The following PKHD1 variants were observed in gnomAD, a reference collection of about 807,000 sequenced individuals.
The protein encoded by PKHD1 is PKHD1 ciliary IPT domain containing fibrocystin/polyductin.
Under a neutral mutation model 412.0 loss-of-function variants are expected in PKHD1, and 291 were observed. That is an observed-to-expected ratio of 0.71 (90% CI 0.64 to 0.78). PKHD1 has a LOEUF of 0.78. Ranked by LOEUF, PKHD1 falls within the 30% of genes least tolerant of loss-of-function variation. PKHD1 has a pLI of 0.00. For synonymous variants in PKHD1, 1,777 were observed against 1,821.5 expected, an observed-to-expected ratio of 0.98 and a Z score of 0.62; for missense variants, 4,825 against 4,950.7, an observed-to-expected ratio of 0.97 and a Z score of 0.76.
chr6:51,887,690 C>T (rs1211087708), intron 43 of PKHD1, among the ~76,000 whole-genome samples: 2 of 152,126 alleles, frequency 1.3e-5, no homozygotes, highest in African/African-American at 2.4e-5. Context: ...TGCCTTCTGC[C>T]GTGAGTAAAG....
rs66966800 is a variant in PKHD1, at chr6:51,903,832, CATATAT to C, written c.6866-111_6866-106del. The C allele has an allele frequency of 0.22, 96,012 of 434,946 alleles. 11,330 individuals carry two copies. Among genetic ancestry groups the C allele is most frequent in the East Asian group, 0.43 (9,441 of 21,740 alleles). The allele number at this position is 434,946 out of a possible 1,614,324, so 26.9% of individuals were successfully genotyped here. ...ACATCAGAGTTCACATAATGCATTT[CATATAT>C]ATATATATATATATATATATATTTA... On this transcript the variant is annotated intron_variant, in intron 42 of 66. Coordinates refer to ENST00000371117, the MANE Select transcript of PKHD1 (RefSeq NM_138694.4).
intron 60 of PKHD1, among the ~76,000 whole-genome samples, chr6:51,728,029 C>G (rs1782788587): frequency 6.6e-6 from 1 of 152,174 alleles, no homozygotes; most frequent in African/African-American, 2.4e-5. Flanking sequence ...TTTTCCTTCT[C>G]CATACAATAC....
chr6:51,630,248 G>C (rs1171072142), intron 65 of PKHD1, among the ~76,000 whole-genome samples: 1 of 152,090 alleles, frequency 6.6e-6, no homozygotes, highest in African/African-American at 2.4e-5. Flanking sequence ...ATCTGTAAAG[G>C]CTATTAAAAT....
chr6:51,897,876 AAAACAGACTTT>A (rs1179780301), intron 43 of PKHD1, among the ~76,000 whole-genome samples: 1 of 151,630 alleles, frequency 6.6e-6, no homozygotes, highest in African/African-American at 2.4e-5. Flanking sequence ...AGTCTCTGAT[AAAACAGACTTT>A]AAACCAACAA....
intron 55 of PKHD1, among the ~76,000 whole-genome samples, chr6:51,770,252 C>T (rs1243750146): frequency 6.6e-6 from 1 of 151,746 alleles, no homozygotes; most frequent in Non-Finnish European, 1.5e-5. Flanking sequence ...GTATTATCTG[C>T]TGTAAAACTT....
intron 24 of PKHD1, 123 bp downstream of exon 24, chr6:52,045,881 C>T: frequency 1.3e-6 from 1 of 744,488 alleles, no homozygotes. Flanking sequence ...AATCCCTTTA[C>T]TCAAATATTC....
At chr6:51,729,861 A>G (rs1415219411) in intron 60 of PKHD1, among the ~76,000 whole-genome samples, 2 of 152,164 alleles carry the variant, frequency 1.3e-5, no homozygotes, top group African/African-American at 4.8e-5. Context: ...ACATAATATT[A>G]ATATCTCCAA....
intron 50 of PKHD1, among the ~76,000 whole-genome samples, chr6:51,843,696 C>T (rs1181181057): frequency 6.6e-6 from 1 of 152,158 alleles, no homozygotes; most frequent in Non-Finnish European, 1.5e-5. Flanking sequence ...AATAGTTCAT[C>T]GTATTCATAA....
At chr6:51,827,187 T>A (rs146260265) in intron 52 of PKHD1, among the ~76,000 whole-genome samples, 196 of 152,252 alleles carry the variant, frequency 1.3e-3, no homozygotes, top group African/African-American at 4.4e-3. Context: ...CCAAGGATGT[T>A]GTGAAAATTA....
intron 64 of PKHD1, among the ~76,000 whole-genome samples, chr6:51,637,997 G>A (rs1017172482): frequency 2.0e-5 from 3 of 152,148 alleles, no homozygotes; most frequent in South Asian, 2.1e-4. Context: ...TTTTCAAAAG[G>A]CCCGTTGAAA....
At chr6:51,891,240 G>T (rs1042025053) in intron 43 of PKHD1, among the ~76,000 whole-genome samples, 24 of 152,244 alleles carry the variant, frequency 1.6e-4, no homozygotes, top group African/African-American at 5.3e-4. Context: ...CCAAATGAAA[G>T]GAAAACTTCA....
At chr6:51,676,870 A>T (rs1775933430) in intron 60 of PKHD1, among the ~76,000 whole-genome samples, 1 of 152,176 alleles carries the variant, frequency 6.6e-6, no homozygotes, top group Admixed American at 6.5e-5. Context: ...TAAGCAAAAA[A>T]TCATTTGTTT....
intron 52 of PKHD1, among the ~76,000 whole-genome samples, chr6:51,808,538 G>C (rs1764196460): frequency 6.6e-6 from 1 of 152,020 alleles, no homozygotes; most frequent in Non-Finnish European, 1.5e-5. Flanking sequence ...ATTTGCATGT[G>C]TGTGTGTTTA....
At chr6:51,974,193 C>T (rs1301818916) in intron 35 of PKHD1, among the ~76,000 whole-genome samples, 1 of 151,970 alleles carries the variant, frequency 6.6e-6, no homozygotes, top group Non-Finnish European at 1.5e-5. Context: ...CTGGGATGTA[C>T]CTAAAGTAGT....
chr6:52,068,788 C>A (rs1810141749), intron 11 of PKHD1, among the ~76,000 whole-genome samples: 1 of 152,198 alleles, frequency 6.6e-6, no homozygotes, highest in Admixed American at 6.5e-5. Flanking sequence ...GCAGCTGTTG[C>A]AGGATTAGGC....
chr6:51,665,215 C>G (rs1773539014), intron 60 of PKHD1, among the ~76,000 whole-genome samples: 1 of 152,044 alleles, frequency 6.6e-6, no homozygotes, highest in Admixed American at 6.6e-5. Flanking sequence ...GCTATGTAGT[C>G]TTGTGACAGA....
chr6:52,056,563 G>A lies in PKHD1; in HGVS notation c.1693+135C>T. 4.0e-6 allele frequency: 3 copies of A among 755,000 alleles called. No homozygotes were observed. In the South Asian group the frequency reaches 4.5e-5, roughly 11 times the overall value. The allele number at this position is 755,000 out of a possible 1,614,324, so 46.8% of individuals were successfully genotyped here. A position where few individuals can be genotyped will look rare whatever the true frequency, so the allele number is the denominator to read the frequency against. On this transcript the variant is annotated intron_variant, in intron 18 of 66. Coordinates refer to ENST00000371117, the MANE Select transcript of PKHD1 (RefSeq NM_138694.4). The stretch of plus-strand genomic sequence containing the variant: ...GCAGTGCCAGTCCCTCAGCCACTCA[G>A]TGTCCAAATCCAGGTTTCATATTTT...
At chr6:51,740,183 C>T (rs912282149) in intron 60 of PKHD1, among the ~76,000 whole-genome samples, 3 of 152,182 alleles carry the variant, frequency 2.0e-5, no homozygotes, top group Non-Finnish European at 4.4e-5. Flanking sequence ...TGCAAACTTA[C>T]AGATAAGTAT....
chr6:51,815,006 A>G (rs897821212), intron 52 of PKHD1, among the ~76,000 whole-genome samples: 2 of 152,214 alleles, frequency 1.3e-5, no homozygotes, highest in African/African-American at 2.4e-5. Context: ...AGAGAAAATC[A>G]GCACCTCTTT....
Sources: allele counts gnomAD v4.1 joint callset (sites outside exome capture counted in the v4.1 genomes callset), GRCh38; gene constraint gnomAD v4.1.1; transcripts MANE v1.5; gene names NCBI Gene and HGNC (gene_info 2026-07-23, HGNC 2026-07-21).